Variants in UBAP1 observed in about 807,000 individuals in gnomAD.
UBAP1 encodes the protein ubiquitin associated protein 1.
Under a neutral mutation model 39.0 loss-of-function variants are expected in UBAP1, and 5 were observed. The ratio of observed to expected loss-of-function variants is 0.13; its 90% CI spans 0.07 to 0.27. The LOEUF (loss-of-function observed/expected upper bound fraction) is 0.27. Ranked by LOEUF, UBAP1 falls within the 10% of genes least tolerant of loss-of-function variation. The probability of loss-of-function intolerance (pLI) is 1.00; values close to 1 mark genes in which losing one functional copy is unlikely to be tolerated. For synonymous variants in UBAP1, 211 were observed against 225.1 expected (o/e 0.94, Z 0.56); for missense variants, 490 against 608.1 (o/e 0.81, Z 2.04).
rs183608636 is a variant in UBAP1 at position 34,241,966 on chromosome 9, A to G, written c.941A>G (p.Asn314Ser). 9.3e-6 allele frequency: 15 copies of G among 1,614,110 alleles called. No individual in the cohort carries two copies. The highest frequency in any genetic ancestry group is 3.3e-5 in the Admixed American group (2 of 60,010). The change falls in exon 4 of 7, where the codon AAT (asparagine) becomes AGT (serine). Residue 314 changes from asparagine to serine, a missense_variant. This residue lies in a region of UBAP1 where 339 missense variants were observed against 390.0 expected (regional missense o/e 0.87). Coordinates refer to ENST00000297661, the MANE Select transcript of UBAP1 (RefSeq NM_016525.5). ...ACCCAAAGCAGTGCCAGTGAGCTCA[A>G]TGGGCATCACACTCTTGGGCTTTCA... ...PSTQSSASEL[N>S]GHHTLGLSAL...
At chr9:34,246,052 T>G (rs1834160937) in intron 4 of UBAP1, among the ~76,000 whole-genome samples, 1 of 152,194 alleles carries the variant, frequency 6.6e-6, no homozygotes, top group African/African-American at 2.4e-5. Context: ...TTCCTTTTAT[T>G]GCTTTAAAGA....
chr9:34,227,861 G>C (rs1374622583), intron 2 of UBAP1, among the ~76,000 whole-genome samples: 1 of 152,188 alleles, frequency 6.6e-6, no homozygotes, highest in African/African-American at 2.4e-5. Flanking sequence ...AGATACATTG[G>C]ATAAAAATGG....
intron 1 of UBAP1, among the ~76,000 whole-genome samples, chr9:34,188,112 TAAAA>T (rs10712662): frequency 7.4e-4 from 103 of 139,690 alleles, no homozygotes; most frequent in Middle Eastern, 3.8e-3. Flanking sequence ...TTGGGTTCAC[TAAAA>T]AAAAAAAAAA....
intron 1 of UBAP1, among the ~76,000 whole-genome samples, chr9:34,194,311 TTCTC>T (rs1168359358): frequency 3.3e-5 from 5 of 151,752 alleles, no homozygotes; most frequent in South Asian, 2.1e-4. Context: ...AAAAGAAAAA[TTCTC>T]TCTCTTTTTT....
intron 2 of UBAP1, chr9:34,224,287 C>CTGTCGATGAGTAT (rs1832928095): frequency 8.6e-6 from 4 of 462,652 alleles, no homozygotes; most frequent in Non-Finnish European, 1.6e-5. Flanking sequence ...ACTGTCCATA[C>CTGTCGATGAGTAT]GGTGTGCTGT....
At chr9:34,224,444 A>T (rs1294991540) in intron 2 of UBAP1, 2 of 395,902 alleles carry the variant, frequency 5.1e-6, no homozygotes, top group Admixed American at 7.1e-5. Flanking sequence ...GAAATTCCCT[A>T]CATGCAGCCT....
At chr9:34,228,417 CAAAAAA>C (rs1182740329) in intron 2 of UBAP1, among the ~76,000 whole-genome samples, 12 of 56,196 alleles carry the variant, frequency 2.1e-4, no homozygotes, top group African/African-American at 7.5e-4. Flanking sequence ...GACTTCATCT[CAAAAAA>C]AAAAAAAAAA....
intron 3 of UBAP1, among the ~76,000 whole-genome samples, chr9:34,236,176 T>C (rs1833694197): frequency 6.6e-6 from 1 of 152,138 alleles, no homozygotes; most frequent in African/African-American, 2.4e-5. Flanking sequence ...TAATCTTTTA[T>C]ACCATATTTT....
intron 1 of UBAP1, among the ~76,000 whole-genome samples, chr9:34,218,420 C>T (rs1313965023): frequency 6.6e-6 from 1 of 151,950 alleles, no homozygotes; most frequent in East Asian, 1.9e-4. Flanking sequence ...AGTTCTTTAC[C>T]TCAACAACAG....
In UBAP1 at chr9:34,241,407, A is replaced by C; in HGVS notation, c.382A>C (p.Ser128Arg). 2 of 1,578,944 alleles carry C rather than the reference A, an allele frequency of 1.3e-6. No individual in the cohort carries two copies. The highest frequency in any genetic ancestry group is 1.7e-6 in the Non-Finnish European group (2 of 1,162,224). The change falls in exon 4 of 7, where the codon AGC becomes CGC. Residue 128 changes from serine to arginine, a missense_variant. Physicochemically the swap from Ser to Arg is moderately radical, Grantham distance 110. Transcript: ENST00000297661. ...CATCCTCGCCAGCTTGCAGCACAAC[A>C]GCATCCTCACACCAACTCGGGTCAG... Reference protein sequence around the residue: ...NPILASLQHNSILTPTRVSSS... With the variant: ...NPILASLQHNRILTPTRVSSS...
intron 1 of UBAP1, among the ~76,000 whole-genome samples, chr9:34,199,802 ATTTTTT>A (rs34239421): frequency 2.5e-5 from 3 of 119,688 alleles, no homozygotes; most frequent in African/African-American, 6.3e-5. Flanking sequence ...TGCCTGGCTG[ATTTTTT>A]TTTTTTTTTT....
chr9:34,226,962 T>G (rs1474964383), intron 2 of UBAP1, among the ~76,000 whole-genome samples: 1 of 152,194 alleles, frequency 6.6e-6, no homozygotes, highest in Non-Finnish European at 1.5e-5. Context: ...GTTTTTCCAT[T>G]AGACCCTTTA....
intron 1 of UBAP1, among the ~76,000 whole-genome samples, chr9:34,183,949 T>C (rs1201478365): frequency 6.6e-6 from 1 of 151,984 alleles, no homozygotes; most frequent in Admixed American, 6.6e-5. Flanking sequence ...TTTGTGTTTT[T>C]AGTAGAGACG....
chr9:34,244,083 C>T (rs903252810), intron 4 of UBAP1, among the ~76,000 whole-genome samples: 21 of 151,746 alleles, frequency 1.4e-4, no homozygotes, highest in African/African-American at 4.8e-4. Flanking sequence ...CTCCTGACCT[C>T]GTGATCCGCC....
chr9:34,181,751 T>A (rs1430767015), intron 1 of UBAP1, among the ~76,000 whole-genome samples: 1 of 145,872 alleles, frequency 6.9e-6, no homozygotes, highest in Non-Finnish European at 1.5e-5. Context: ...TTTTTTTTAA[T>A]GAAGGCAAAG....
rs566948161 is a variant in UBAP1, at chr9:34,241,877, G to A, written c.852G>A (p.Ala284=). The A allele has an allele frequency of 1.0e-4, 163 of 1,614,086 alleles. 3 individuals are homozygous for A. The South Asian group carries it at 1.6e-3, about 16-fold the overall frequency. The stretch of plus-strand genomic sequence containing the variant: ...GCAATCAGAAGACAGCCAAGCTGGC[G>A]AGCACTTTCCATAGCACATCCTGCC... The part of the protein sequence containing the change: ...DDSNQKTAKL[A]STFHSTSCLR... The change falls in exon 4 of 7, where the codon GCG becomes GCA. Residue 284 remains alanine, a synonymous_variant. Transcript: ENST00000297661.
chr9:34,251,460 A>T lies in UBAP1; in HGVS notation c.1437A>T (p.Glu479Asp). The T allele has an allele frequency of 1.2e-6, 2 of 1,614,184 alleles. No individual in the cohort carries two copies. The highest frequency in any genetic ancestry group is 8.5e-7 in the Non-Finnish European group (1 of 1,180,022). Residue 479 changes from glutamate to aspartate, a missense_variant, in exon 7 of 7, where the codon GAA becomes GAT. By Grantham distance (45) the Glu-to-Asp change is conservative. Coordinates refer to ENST00000297661, the MANE Select transcript of UBAP1 (RefSeq NM_016525.5). ...EMGFELKDIK[E>D]VLLLHNNDQD... is the part of the protein sequence containing the mutation. The stretch of plus-strand genomic sequence containing the variant: ...GCTTTGAGCTGAAAGACATTAAGGA[A>T]GTTTTGCTATTACACAACAATGACC...
intron 2 of UBAP1, among the ~76,000 whole-genome samples, chr9:34,221,300 C>T (rs1832742314): frequency 6.6e-6 from 1 of 151,894 alleles, no homozygotes; most frequent in South Asian, 2.1e-4. Flanking sequence ...GAGGCTGAGG[C>T]GGGTGGATCA....
chr9:34,181,929 C>A (rs1830061544), intron 1 of UBAP1, among the ~76,000 whole-genome samples: 2 of 149,614 alleles, frequency 1.3e-5, no homozygotes, highest in Non-Finnish European at 2.9e-5. Context: ...GATCTGTAGA[C>A]AAGTCTCATC....
Sources: gnomAD v4.1 joint callset for allele counts (sites outside exome capture counted in the v4.1 genomes callset) on GRCh38, gnomAD v4.1.1 for gene constraint, gnomAD v4.1.1 regional missense constraint, MANE v1.5 for transcripts, NCBI Gene and HGNC (gene_info 2026-07-23, HGNC 2026-07-21) for gene names.